Variants in DYM observed in about 807,000 individuals in gnomAD.
DYM encodes dymeclin.
DYM carries 78 observed loss-of-function variants against 93.1 expected under a neutral mutation model. The observed-to-expected ratio is 0.84, with a 90% CI of 0.70 to 1.01. DYM has a LOEUF of 1.01. Among genes scored for constraint, DYM ranks in the 50% least tolerant of loss-of-function variants. The probability of loss-of-function intolerance (pLI) is 0.00; values close to 1 mark genes in which losing one functional copy is unlikely to be tolerated. For missense variants in DYM, 789 were observed against 845.0 expected, an observed-to-expected ratio of 0.93 and a Z score of 0.82; for synonymous variants, 321 against 319.7, an observed-to-expected ratio of 1.00 and a Z score of -0.04.
At chr18:49,277,626 T>C (rs1415825108) in intron 10 of DYM, among the ~76,000 whole-genome samples, 1 of 152,208 alleles carries the variant, frequency 6.6e-6, no homozygotes, top group South Asian at 2.1e-4. Context: ...AGCTTGCTTC[T>C]TCTCTGCCTC....
chr18:49,092,555 G>A lies in DYM; in HGVS notation c.2025+4847C>T, dbSNP rs76055069. ...GATACATTTTTCTGAGGGCAGAGGT[G>A]GTGTCTTACACACTTCTGTTTCCCC... On this transcript the variant is annotated intron_variant, in intron 17 of 17. Transcript: ENST00000675505. Among the ~76,000 whole-genome samples, 766 of 152,220 alleles carry A rather than the reference G, an allele frequency of 5.0e-3. 3 individuals are homozygous for A. The highest frequency in any genetic ancestry group is 8.6e-3 in the Non-Finnish European group (585 of 68,004).
At chr18:49,235,779 A>AT (rs1209087165) in intron 13 of DYM, among the ~76,000 whole-genome samples, 1 of 151,020 alleles carries the variant, frequency 6.6e-6, no homozygotes, top group African/African-American at 2.5e-5. Flanking sequence ...GTGAAAGAAA[A>AT]AAAAAAACTG....
chr18:49,124,129 C>G (rs1035006514), intron 15 of DYM, among the ~76,000 whole-genome samples: 1 of 152,214 alleles, frequency 6.6e-6, no homozygotes, highest in Non-Finnish European at 1.5e-5. Context: ...ATACACCCAA[C>G]TCCTAACTAG....
intron 8 of DYM, 109 bp from the exon 9 acceptor site, chr18:49,286,725 G>C: frequency 9.1e-7 from 1 of 1,100,900 alleles, no homozygotes; most frequent in Non-Finnish European, 1.4e-6. Context: ...CAGTTCCAAA[G>C]TGTAGAACAA....
intron 8 of DYM, among the ~76,000 whole-genome samples, 157 bp downstream of exon 8, chr18:49,331,707 A>G (rs981100061): frequency 2.0e-5 from 3 of 151,882 alleles, no homozygotes; most frequent in Admixed American, 2.0e-4. Context: ...CACAAAACAG[A>G]AAGATTAATA....
In DYM at chr18:49,036,720, TTGTG is replaced by T. The variant is rs35299705; in HGVS notation, c.*7331_*7334del. 6.6e-6 allele frequency among the ~76,000 whole-genome samples: 1 copy of T among 150,616 alleles called. No homozygotes were observed. Among genetic ancestry groups the T allele is most frequent in the Admixed American group, 6.6e-5 (1 of 15,148 alleles). On this transcript the variant is annotated 3_prime_UTR_variant, in exon 18 of 18. Coordinates refer to ENST00000675505, the MANE Select transcript of DYM (RefSeq NM_001353214.3). ...GCACACACCACCATGCTCAGCTAAT[TTGTG>T]TGTGTGTGTGTGTAGAGACAGGAGG... is the stretch of plus-strand genomic sequence containing the variant.
chr18:49,054,478 G>A (rs1055254513), intron 17 of DYM, among the ~76,000 whole-genome samples: 11 of 152,148 alleles, frequency 7.2e-5, no homozygotes, highest in African/African-American at 2.7e-4. Flanking sequence ...CCTGACCTCA[G>A]GTGATCTGCC....
intron 15 of DYM, among the ~76,000 whole-genome samples, chr18:49,146,333 A>G (rs144779096): frequency 9.1e-4 from 139 of 152,348 alleles, no homozygotes; most frequent in African/African-American, 3.2e-3. Flanking sequence ...CAGTGTTGGA[A>G]GTTCTGGCCA....
chr18:49,448,492 A>T (rs1367607433), intron 1 of DYM, among the ~76,000 whole-genome samples: 1 of 152,226 alleles, frequency 6.6e-6, no homozygotes, highest in Non-Finnish European at 1.5e-5. Flanking sequence ...TAGGAAGTTA[A>T]AGGGAAATCA....
At chr18:49,219,648 A>G (rs2093256328) in intron 13 of DYM, among the ~76,000 whole-genome samples, 1 of 152,158 alleles carries the variant, frequency 6.6e-6, no homozygotes, top group Admixed American at 6.5e-5. Flanking sequence ...AGAGCCAAAG[A>G]CAAAAACCAC....
At chr18:49,228,142 G>C (rs1454708730) in intron 13 of DYM, among the ~76,000 whole-genome samples, 1 of 152,070 alleles carries the variant, frequency 6.6e-6, no homozygotes, top group African/African-American at 2.4e-5. Flanking sequence ...ACCCACTATA[G>C]TGCTTGGCAT....
intron 17 of DYM, among the ~76,000 whole-genome samples, chr18:49,066,623 A>T (rs1475027435): frequency 6.6e-6 from 1 of 152,202 alleles, no homozygotes; most frequent in South Asian, 2.1e-4. Context: ...TTAGATGCTT[A>T]CCTAGGAGTG....
intron 8 of DYM, among the ~76,000 whole-genome samples, chr18:49,317,807 C>T (rs2062130508): frequency 6.6e-6 from 1 of 151,648 alleles, no homozygotes; most frequent in Non-Finnish European, 1.5e-5. Flanking sequence ...TCATATCATT[C>T]TAACAAAGGC....
At chr18:49,378,826 G>C in intron 4 of DYM, 126 bp from the exon 5 acceptor site, 2 of 890,468 alleles carry the variant, frequency 2.2e-6, no homozygotes, top group Non-Finnish European at 1.8e-6. Context: ...TTAGGATAAT[G>C]TCCATATCTT....
At chr18:49,207,586 G>T (rs1600657375) in intron 14 of DYM, among the ~76,000 whole-genome samples, 1 of 152,208 alleles carries the variant, frequency 6.6e-6, no homozygotes, top group Non-Finnish European at 1.5e-5. Context: ...CACCCAATCA[G>T]CTGAAGCTAT....
intron 17 of DYM, among the ~76,000 whole-genome samples, chr18:49,089,963 T>C (rs980801142): frequency 3.3e-5 from 5 of 152,188 alleles, no homozygotes; most frequent in African/African-American, 4.8e-5. Flanking sequence ...TCTCAATATG[T>C]AGAACTGGTG....
rs968779864 is a variant in DYM at position 49,404,879 on chromosome 18, G to C, written c.141-13234C>G. Among the ~76,000 whole-genome samples, 4 of 152,140 alleles carry C rather than the reference G, an allele frequency of 2.6e-5. No homozygotes were observed. In the South Asian group the frequency reaches 8.3e-4, roughly 32 times the overall value. On this transcript the variant is annotated intron_variant, in intron 2 of 17. Coordinates refer to ENST00000675505, the MANE Select transcript of DYM (RefSeq NM_001353214.3). ...AATACAAAAATTAGCCAGGCATGGT[G>C]GTGGGCACCTGTAATCCCAGCTACT... is the stretch of plus-strand genomic sequence containing the variant.
At chr18:49,114,848 T>C (rs1421341821) in intron 16 of DYM, among the ~76,000 whole-genome samples, 2 of 152,174 alleles carry the variant, frequency 1.3e-5, no homozygotes, top group Non-Finnish European at 2.9e-5. Flanking sequence ...GCACCACTGA[T>C]GGAATAAAGA....
intron 14 of DYM, among the ~76,000 whole-genome samples, chr18:49,183,083 CA>C (rs1310606274): frequency 1.3e-5 from 2 of 152,002 alleles, no homozygotes; most frequent in East Asian, 1.9e-4. Flanking sequence ...GGTGATTGCA[CA>C]TTTTTTTTCC....
Sources: gnomAD v4.1 joint callset for allele counts (sites outside exome capture counted in the v4.1 genomes callset) on GRCh38, gnomAD v4.1.1 for gene constraint, MANE v1.5 for transcripts, NCBI Gene and HGNC (gene_info 2026-07-23, HGNC 2026-07-21) for gene names.